The following CCDC63 variants were observed in gnomAD, a reference collection of about 807,000 sequenced individuals.
CCDC63 encodes coiled-coil domain containing 63, also known as coiled-coil domain-containing protein 63.
A neutral mutation model predicts 63.6 loss-of-function variants in CCDC63; 54 were observed. That is an observed-to-expected ratio of 0.85 (90% CI 0.68 to 1.07). The LOEUF (loss-of-function observed/expected upper bound fraction) is 1.07, where lower values mean the gene tolerates loss of function less well. CCDC63 is among the 50% of genes least tolerant of loss of function. The pLI, the probability that CCDC63 is intolerant of heterozygous loss-of-function variation, is 0.00. For missense variants in CCDC63, 637 were observed against 689.6 expected (o/e 0.92, Z 0.86); for synonymous variants, 253 against 266.1 (o/e 0.95, Z 0.48).
At position 110,853,401 on chromosome 12, in the gene CCDC63, C is replaced by G; in HGVS notation, c.10-4C>G. 6.2e-7 allele frequency: 1 copy of G among 1,607,230 alleles called. No individual in the cohort carries two copies. The highest frequency in any genetic ancestry group is 2.2e-5 in the East Asian group (1 of 44,844). On this transcript the variant is annotated splice_polypyrimidine_tract_variant and splice_region_variant and intron_variant, in intron 2 of 11. Transcript: ENST00000308208. Reference sequence around the variant, plus strand: ...GGCCTCCCACTCCTCTCCATCTCCCCCAGTTGAAGAAGAACAGGAGAAAAG... The same window carrying G: ...GGCCTCCCACTCCTCTCCATCTCCCGCAGTTGAAGAAGAACAGGAGAAAAG...
intron 6 of CCDC63, among the ~76,000 whole-genome samples, chr12:110,880,579 T>G (rs1211969878): frequency 6.6e-6 from 1 of 151,800 alleles, no homozygotes; most frequent in Non-Finnish European, 1.5e-5. Context: ...ACTACTGTAT[T>G]GTTGTAGGAG....
At chr12:110,905,485 A>G (rs1566144022) in intron 11 of CCDC63, among the ~76,000 whole-genome samples, 1 of 152,122 alleles carries the variant, frequency 6.6e-6, no homozygotes, top group Non-Finnish European at 1.5e-5. Flanking sequence ...CGATCCTTCC[A>G]GAAGGACTAC....
upstream of CCDC63, chr12:110,845,944 T>C (rs2136629590): frequency 7.5e-6 from 1 of 132,584 alleles, no homozygotes; most frequent in Non-Finnish European, 1.6e-5. Context: ...ATTTGTTATA[T>C]TTTTAGTAGA....
At chr12:110,902,638 C>G (rs1370229002) in intron 10 of CCDC63, among the ~76,000 whole-genome samples, 2 of 152,108 alleles carry the variant, frequency 1.3e-5, no homozygotes, top group Non-Finnish European at 2.9e-5. Context: ...CAATTTGTCT[C>G]TATGGACAGG....
rs1478227986 is a variant in CCDC63 at position 110,862,537 on chromosome 12, C to T, written c.369+3762C>T. Among the ~76,000 whole-genome samples, 4 of 152,272 alleles carry T rather than the reference C, an allele frequency of 2.6e-5. No individual in the cohort carries two copies. The South Asian group carries it at 6.2e-4, about 24-fold the overall frequency. On this transcript the variant is annotated intron_variant, in intron 4 of 11. Transcript: ENST00000308208. Reference sequence around the variant, plus strand: ...CCAGCATCACAAAAGCAGCATCTGACGTAAAGACTCCAAAGGAAATCCAAC... The same window carrying T: ...CCAGCATCACAAAAGCAGCATCTGATGTAAAGACTCCAAAGGAAATCCAAC...
At chr12:110,857,898 G>A (rs2070794860) in intron 3 of CCDC63, among the ~76,000 whole-genome samples, 1 of 152,136 alleles carries the variant, frequency 6.6e-6, no homozygotes, top group Non-Finnish European at 1.5e-5. Flanking sequence ...CATGAGGCCA[G>A]TAGTTCGAGA....
At chr12:110,866,081 A>C (rs1302230540) in intron 4 of CCDC63, among the ~76,000 whole-genome samples, 1 of 152,090 alleles carries the variant, frequency 6.6e-6, no homozygotes, top group East Asian at 1.9e-4. Context: ...AGGTTCAAGC[A>C]ATTCTCATGC....
intron 1 of CCDC63, 108 bp from the exon 2 acceptor site, chr12:110,852,751 G>T: frequency 1.4e-6 from 1 of 717,282 alleles, no homozygotes; most frequent in Non-Finnish European, 2.5e-6. Flanking sequence ...CATGTGCCAA[G>T]GTGTGGGTGG....
At chr12:110,848,304 C>T (rs1355475350) in intron 1 of CCDC63, among the ~76,000 whole-genome samples, 1 of 152,124 alleles carries the variant, frequency 6.6e-6, no homozygotes, top group East Asian at 1.9e-4. Context: ...GTTTCAGACC[C>T]TTGAATGAGA....
chr12:110,853,051 T>C (rs1357400650), intron 2 of CCDC63, 88 bp downstream of exon 2: 2 of 1,424,582 alleles, frequency 1.4e-6, no homozygotes, highest in Non-Finnish European at 2.0e-6. Context: ...CGTCTCATCC[T>C]GACAAACAGA....
chr12:110,892,845 A>G (rs567341024), intron 8 of CCDC63, among the ~76,000 whole-genome samples: 1 of 151,548 alleles, frequency 6.6e-6, no homozygotes, highest in South Asian at 2.1e-4. Context: ...GAAAGAAAGG[A>G]TGACTCACCC....
At chr12:110,883,826 G>T (rs2071240678) in intron 7 of CCDC63, among the ~76,000 whole-genome samples, 1 of 152,096 alleles carries the variant, frequency 6.6e-6, no homozygotes, top group African/African-American at 2.4e-5. Context: ...TTTTAGTAGA[G>T]ACGGGGTTTC....
intron 4 of CCDC63, among the ~76,000 whole-genome samples, chr12:110,862,420 G>A (rs112802113): frequency 1.3e-5 from 2 of 152,364 alleles, no homozygotes; most frequent in African/African-American, 4.8e-5. Context: ...TTAATAAGCC[G>A]ATGGGAAGAC....
intron 5 of CCDC63, among the ~76,000 whole-genome samples, chr12:110,878,317 C>T (rs1339006346): frequency 1.3e-5 from 2 of 151,916 alleles, no homozygotes; most frequent in Non-Finnish European, 2.9e-5. Context: ...CTCACACACC[C>T]CAATTTCTTG....
intron 1 of CCDC63, among the ~76,000 whole-genome samples, chr12:110,848,006 C>A (rs2070661583): frequency 6.6e-6 from 1 of 152,264 alleles, no homozygotes; most frequent in South Asian, 2.1e-4. Context: ...GCAGGAGGCC[C>A]TTGCCTGACG....
At chr12:110,850,818 C>T (rs1277521263) in intron 1 of CCDC63, among the ~76,000 whole-genome samples, 2 of 152,210 alleles carry the variant, frequency 1.3e-5, no homozygotes, top group Non-Finnish European at 2.9e-5. Context: ...CCACTTTCCA[C>T]TAGATACTGC....
chr12:110,898,862 C>T, intron 9 of CCDC63, 71 bp from the exon 10 acceptor site: 1 of 1,305,466 alleles, frequency 7.7e-7, no homozygotes, highest in Non-Finnish European at 1.0e-6. Flanking sequence ...AGACCCTGAC[C>T]CCAGAGGGTC....
intron 4 of CCDC63, among the ~76,000 whole-genome samples, chr12:110,867,819 G>T (rs1451724466): frequency 1.4e-4 from 17 of 121,390 alleles, no homozygotes; most frequent in Middle Eastern, 3.9e-3. Context: ...CTTCCCAGTA[G>T]GGGCGGCCGG....
chr12:110,849,775 A>G (rs1472335458), intron 1 of CCDC63, among the ~76,000 whole-genome samples: 1 of 152,178 alleles, frequency 6.6e-6, no homozygotes, highest in Non-Finnish European at 1.5e-5. Flanking sequence ...CTGGGATTAC[A>G]GGCATGAGCC....
Sources: gnomAD v4.1 joint callset for allele counts (sites outside exome capture counted in the v4.1 genomes callset) on GRCh38, gnomAD v4.1.1 for gene constraint, MANE v1.5 for transcripts, NCBI Gene and HGNC (gene_info 2026-07-23, HGNC 2026-07-21) for gene names.